Variants in NPAS3 observed in about 807,000 individuals in gnomAD.
The protein encoded by NPAS3 is neuronal PAS domain-containing protein 3.
In NPAS3, 14 loss-of-function variants were observed where a neutral mutation model predicts 73.1. That is an observed-to-expected ratio of 0.19 (90% CI 0.13 to 0.30). The LOEUF is 0.30. NPAS3 is among the 10% of genes least tolerant of loss of function. The pLI, the probability that NPAS3 is intolerant of heterozygous loss-of-function variation, is 1.00. For missense variants in NPAS3, 1,096 were observed against 1,250.0 expected (o/e 0.88, Z 1.86); for synonymous variants, 620 against 541.5 (o/e 1.14, Z -2.01).
chr14:33,042,044 A>T (rs369572036), intron 1 of NPAS3, among the ~76,000 whole-genome samples: 1 of 152,152 alleles, frequency 6.6e-6, no homozygotes. Flanking sequence ...TATGTTTATT[A>T]AAAAGAAACC....
At chr14:33,542,730 C>T (rs1193641338) in intron 4 of NPAS3, among the ~76,000 whole-genome samples, 4 of 152,196 alleles carry the variant, frequency 2.6e-5, no homozygotes, top group Admixed American at 6.5e-5. Context: ...TCACTTGCCC[C>T]GTGTAAACAA....
intron 1 of NPAS3, among the ~76,000 whole-genome samples, chr14:32,972,717 G>C (rs968459152): frequency 1.3e-5 from 2 of 152,168 alleles, no homozygotes; most frequent in African/African-American, 4.8e-5. Context: ...TTGTCACAGA[G>C]TAGATCCTTC....
intron 7 of NPAS3, among the ~76,000 whole-genome samples, chr14:33,737,654 A>C (rs2061556426): frequency 6.6e-6 from 1 of 152,076 alleles, no homozygotes; most frequent in African/African-American, 2.4e-5. Context: ...TCTGCAGTGA[A>C]CTTCCCTCAT....
At chr14:33,567,644 G>C (rs1322506453) in intron 5 of NPAS3, among the ~76,000 whole-genome samples, 1 of 152,156 alleles carries the variant, frequency 6.6e-6, no homozygotes, top group Admixed American at 6.5e-5. Context: ...ATTAGAAATC[G>C]GTAGAATAAT....
chr14:33,479,525 A>G (rs1055645792), intron 4 of NPAS3, among the ~76,000 whole-genome samples: 1 of 152,154 alleles, frequency 6.6e-6, no homozygotes, highest in South Asian at 2.1e-4. Context: ...AGTTACCCCC[A>G]AAGGAATTTC....
chr14:33,055,799 G>GTGGTGGA, intron 1 of NPAS3, 106 bp from the exon 2 acceptor site: 1 of 662,244 alleles, frequency 1.5e-6, no homozygotes, highest in Non-Finnish European at 2.7e-6. Context: ...GAGCTCAAAA[G>GTGGTGGA]CGTAAAAAGC....
At chr14:33,133,771 A>C (rs770515642) in intron 2 of NPAS3, among the ~76,000 whole-genome samples, 1 of 152,068 alleles carries the variant, frequency 6.6e-6, no homozygotes, top group Non-Finnish European at 1.5e-5. Context: ...TTTTTCCTAG[A>C]GGTTTACAAG....
chr14:33,541,172 C>T (rs973226164), intron 4 of NPAS3, among the ~76,000 whole-genome samples: 2 of 151,062 alleles, frequency 1.3e-5, no homozygotes, highest in Non-Finnish European at 2.9e-5. Flanking sequence ...AACCTGTAAT[C>T]AGCAGTTCTA....
chr14:33,070,032 T>C (rs1288867907), intron 2 of NPAS3, among the ~76,000 whole-genome samples: 2 of 152,186 alleles, frequency 1.3e-5, no homozygotes, highest in Non-Finnish European at 2.9e-5. Flanking sequence ...AGCATTTAAA[T>C]CTCTAACACA....
At chr14:33,628,254 C>T (rs1260501991) in intron 5 of NPAS3, among the ~76,000 whole-genome samples, 1 of 152,134 alleles carries the variant, frequency 6.6e-6, no homozygotes, top group Admixed American at 6.5e-5. Flanking sequence ...AAGGGGCATA[C>T]AGCTCAGATT....
chr14:33,665,662 T>G (rs752631142), intron 5 of NPAS3, among the ~76,000 whole-genome samples: 9 of 152,278 alleles, frequency 5.9e-5, no homozygotes, highest in Middle Eastern at 6.8e-3. Context: ...CACAAAAAAT[T>G]TTTAAAATAA....
intron 7 of NPAS3, among the ~76,000 whole-genome samples, chr14:33,769,745 ATTTTTTTTTTCTTTT>A (rs1449742259): frequency 1.9e-5 from 2 of 103,354 alleles, no homozygotes; most frequent in Non-Finnish European, 3.7e-5. Flanking sequence ...AAAGACTTGG[ATTTTTTTTTTCTTTT>A]TTTTTTTTTT....
chr14:33,197,881 C>T (rs1165834210), intron 2 of NPAS3, among the ~76,000 whole-genome samples: 1 of 152,226 alleles, frequency 6.6e-6, no homozygotes, highest in African/African-American at 2.4e-5. Context: ...AAGCCGCGGA[C>T]CCTCGCGGTG....
intron 3 of NPAS3, among the ~76,000 whole-genome samples, chr14:33,224,298 G>A (rs1472652515): frequency 6.6e-6 from 1 of 152,144 alleles, no homozygotes; most frequent in Non-Finnish European, 1.5e-5. Context: ...AGCAAAGAAG[G>A]ACTCACCTCT....
intron 5 of NPAS3, among the ~76,000 whole-genome samples, chr14:33,627,076 A>G (rs1354313034): frequency 6.6e-6 from 1 of 152,064 alleles, no homozygotes; most frequent in East Asian, 1.9e-4. Flanking sequence ...GACCATGTGA[A>G]TTTTTATTCA....
intron 5 of NPAS3, among the ~76,000 whole-genome samples, chr14:33,642,544 A>C (rs886705690): frequency 6.6e-6 from 1 of 152,208 alleles, no homozygotes; most frequent in Admixed American, 6.5e-5. Flanking sequence ...GTCTGGGTAC[A>C]AGATTGAAAA....
intron 1 of NPAS3, among the ~76,000 whole-genome samples, chr14:33,013,256 C>A (rs551800334): frequency 1.3e-5 from 2 of 152,228 alleles, no homozygotes; most frequent in African/African-American, 4.8e-5. Context: ...TAGAGGTTGT[C>A]TTGTCTATTT....
chr14:33,482,581 G>T (rs1594996012), intron 4 of NPAS3, among the ~76,000 whole-genome samples: 1 of 152,238 alleles, frequency 6.6e-6, no homozygotes, highest in Admixed American at 6.5e-5. Flanking sequence ...TCTAAAACCC[G>T]AATTTTCAGA....
chr14:33,422,744 A>G (rs2048407221), intron 4 of NPAS3, among the ~76,000 whole-genome samples: 1 of 151,904 alleles, frequency 6.6e-6, no homozygotes, highest in Admixed American at 6.6e-5. Context: ...TTCTACTGTT[A>G]TCTAAGCAAT....
Sources: gnomAD v4.1 joint callset for allele counts (sites outside exome capture counted in the v4.1 genomes callset) on GRCh38, gnomAD v4.1.1 for gene constraint, MANE v1.5 for transcripts, NCBI Gene and HGNC (gene_info 2026-07-23, HGNC 2026-07-21) for gene names.